The following VRK1 variants were observed in gnomAD, a reference collection of about 807,000 sequenced individuals.
The protein encoded by VRK1 is VRK serine/threonine kinase 1.
In VRK1, 33 loss-of-function variants were observed where a neutral mutation model predicts 57.1. That is an observed-to-expected ratio of 0.58 (90% CI 0.44 to 0.77). The LOEUF (loss-of-function observed/expected upper bound fraction) is 0.77. VRK1 is among the 30% of genes least tolerant of loss of function. VRK1 has a pLI of 0.00. For synonymous variants in VRK1, 137 were observed against 147.8 expected (o/e 0.93, Z 0.53); for missense variants, 413 against 477.3 (o/e 0.87, Z 1.25).
At chr14:96,848,627 T>C (rs55883934) in intron 5 of VRK1, among the ~76,000 whole-genome samples, 2,109 of 152,302 alleles carry the variant, frequency 0.014, 55 homozygotes, top group African/African-American at 0.048. Flanking sequence ...TATAATATTT[T>C]CTGGAGAAAT....
intron 1 of VRK1, among the ~76,000 whole-genome samples, chr14:96,807,345 A>T (rs1300719449): frequency 2.0e-5 from 3 of 152,236 alleles, no homozygotes; most frequent in Non-Finnish European, 4.4e-5. Flanking sequence ...AATATGTGAA[A>T]ATAGTCATCA....
At chr14:96,852,593 C>A (rs1049241119) in intron 5 of VRK1, among the ~76,000 whole-genome samples, 2 of 152,088 alleles carry the variant, frequency 1.3e-5, no homozygotes, top group African/African-American at 4.8e-5. Context: ...ATTGAATAGT[C>A]TCTTGAAACT....
chr14:96,816,391 C>T (rs1886395755), intron 1 of VRK1, among the ~76,000 whole-genome samples: 1 of 152,252 alleles, frequency 6.6e-6, no homozygotes, highest in East Asian at 1.9e-4. Context: ...TTCTCATCTC[C>T]CCTCCCTTAG....
Position 96,846,137 on chromosome 14 carries a change from T to C in VRK1, c.259T>C (p.Tyr87His). ...ACCTCTTTTTACTGAATTAAAGTTC[T>C]ACCAACGAGCTGCAAAACCAGAGCA... Reference protein sequence around the residue: ...NGPLFTELKFYQRAAKPEQIQ... With the variant: ...NGPLFTELKFHQRAAKPEQIQ... The change falls in exon 4 of 13, where the codon TAC (tyrosine) becomes CAC (histidine). Residue 87 changes from tyrosine to histidine, a missense_variant. Around this residue, in one of 3 missense-constraint regions of VRK1, gnomAD observed 116 missense variants for 113.6 expected, o/e 1.02. Transcript: ENST00000216639. 1 of 1,613,464 alleles carries C rather than the reference T, an allele frequency of 6.2e-7. No homozygotes were observed. The highest frequency in any genetic ancestry group is 1.3e-5 in the African/African-American group (1 of 75,026).
chr14:96,881,370 T>G lies in VRK1; in HGVS notation c.*162T>G, dbSNP rs1889252247. 1.5e-6 allele frequency: 1 copy of G among 651,108 alleles called. No individual in the cohort carries two copies. Among genetic ancestry groups the G allele is most frequent in the Non-Finnish European group, 2.5e-6 (1 of 395,596 alleles). 40.3% of individuals were successfully genotyped at this position (651,108 alleles called of 1,614,324 possible). On this transcript the variant is annotated 3_prime_UTR_variant, in exon 13 of 13. Transcript: ENST00000216639. ...ATAAACTTTTTTTATAAAAATATTT[T>G]GTACAATTCATTAAAGGCTAATTTA...
At chr14:96,874,458 C>T (rs766260531) in intron 11 of VRK1, among the ~76,000 whole-genome samples, 47 of 152,258 alleles carry the variant, frequency 3.1e-4, no homozygotes, top group South Asian at 6.2e-4. Context: ...AGGGTTTAGA[C>T]GGTAATCATG....
intron 5 of VRK1, among the ~76,000 whole-genome samples, chr14:96,848,000 G>A (rs191503474): frequency 6.6e-6 from 1 of 152,282 alleles, no homozygotes. Context: ...ATGAATGAAT[G>A]GAACTTCATG....
At chr14:96,873,458 GC>G (rs1321780052) in intron 11 of VRK1, among the ~76,000 whole-genome samples, 3 of 152,036 alleles carry the variant, frequency 2.0e-5, no homozygotes, top group African/African-American at 7.2e-5. Flanking sequence ...AGATATTTTA[GC>G]TGTGCTGAAT....
chr14:96,853,293 C>G, intron 7 of VRK1, 127 bp downstream of exon 7: 1 of 794,062 alleles, frequency 1.3e-6, no homozygotes, highest in East Asian at 2.7e-5. Flanking sequence ...AATATTTCTT[C>G]TTGACACTTT....
chr14:96,826,575 A>G (rs927586725), intron 1 of VRK1, among the ~76,000 whole-genome samples: 4 of 152,222 alleles, frequency 2.6e-5, no homozygotes, highest in Non-Finnish European at 1.5e-5. Context: ...GTAGACTTGC[A>G]TAGAGTCAGA....
intron 1 of VRK1, among the ~76,000 whole-genome samples, chr14:96,807,023 C>A (rs1049765288): frequency 1.3e-5 from 2 of 152,144 alleles, no homozygotes; most frequent in African/African-American, 4.8e-5. Flanking sequence ...GATGAAATGC[C>A]TCCAACGACA....
chr14:96,862,899 C>T (rs1014185193), intron 11 of VRK1, among the ~76,000 whole-genome samples: 1 of 152,088 alleles, frequency 6.6e-6, no homozygotes, highest in African/African-American at 2.4e-5. Flanking sequence ...ATATCAGACT[C>T]AGATCTCTTT....
rs74076170 is a variant in VRK1 at position 96,868,470 on chromosome 14, A to C, written c.1069-7560A>C. 5.2e-3 allele frequency among the ~76,000 whole-genome samples: 792 copies of C among 152,308 alleles called. 10 individuals are homozygous for C. The highest frequency in any genetic ancestry group is 0.018 in the African/African-American group (737 of 41,566). The stretch of plus-strand genomic sequence containing the variant: ...GTGTCTGAATAGCTTCTGTGCAGAA[A>C]ACAGCCCTTTTGTAAATAGGCATAG... On this transcript the variant is annotated intron_variant, in intron 11 of 12. Coordinates refer to ENST00000216639, the MANE Select transcript of VRK1 (RefSeq NM_003384.3).
At chr14:96,838,643 G>A (rs1297735681) in intron 3 of VRK1, among the ~76,000 whole-genome samples, 14 of 152,130 alleles carry the variant, frequency 9.2e-5, no homozygotes, top group Non-Finnish European at 1.8e-4. Flanking sequence ...TGAAGGGGAT[G>A]CCCCCATGAC....
intron 1 of VRK1, among the ~76,000 whole-genome samples, chr14:96,808,015 C>CTGTGTG (rs1885963574): frequency 8.1e-5 from 6 of 74,166 alleles, no homozygotes; most frequent in Non-Finnish European, 1.6e-4. Context: ...CTCTCTCTCC[C>CTGTGTG]TCTGTGTGTG....
At chr14:96,815,361 T>A (rs1017249540) in intron 1 of VRK1, among the ~76,000 whole-genome samples, 8 of 152,154 alleles carry the variant, frequency 5.3e-5, no homozygotes, top group African/African-American at 1.9e-4. Context: ...GTATTTTATT[T>A]GTTATTTAAA....
At chr14:96,875,745 A>C (rs1217276538) in intron 11 of VRK1, among the ~76,000 whole-genome samples, 2 of 152,120 alleles carry the variant, frequency 1.3e-5, no homozygotes, top group African/African-American at 4.8e-5. Context: ...CATAGCTTTG[A>C]ATAATGAAGT....
chr14:96,846,628 G>T (rs189299408), intron 4 of VRK1, among the ~76,000 whole-genome samples: 2 of 149,992 alleles, frequency 1.3e-5, no homozygotes, highest in East Asian at 3.9e-4. Context: ...ATTAGAGAGA[G>T]AAACTGCAAC....
chr14:96,875,623 C>G (rs1888996446), intron 11 of VRK1, among the ~76,000 whole-genome samples: 1 of 152,062 alleles, frequency 6.6e-6, no homozygotes, highest in South Asian at 2.1e-4. Flanking sequence ...TCCTCTCCAC[C>G]CCACCCATGT....
Sources: allele counts gnomAD v4.1 joint callset (sites outside exome capture counted in the v4.1 genomes callset), GRCh38; gene constraint gnomAD v4.1.1; regional missense constraint gnomAD v4.1.1; transcripts MANE v1.5; gene names NCBI Gene and HGNC (gene_info 2026-07-23, HGNC 2026-07-21).